The following PGPEP1L variants were observed in gnomAD, a reference collection of about 807,000 sequenced individuals.
PGPEP1L encodes pyroglutamyl-peptidase I like, also known as pyroglutamyl-peptidase 1-like protein.
In PGPEP1L, 7 loss-of-function variants were observed where a neutral mutation model predicts 6.0. The ratio of observed to expected loss-of-function variants is 1.17; its 90% confidence interval spans 0.66 to 2.19. The LOEUF (loss-of-function observed/expected upper bound fraction) is 2.19, where lower values mean the gene tolerates loss of function less well. Ranked by LOEUF, PGPEP1L falls within the 30% of genes most tolerant of loss-of-function variation. PGPEP1L has a pLI of 0.00. For synonymous variants in PGPEP1L, 103 were observed against 83.9 expected, an observed-to-expected ratio of 1.23 and a Z score of -1.24; for missense variants, 209 against 192.5, an observed-to-expected ratio of 1.09 and a Z score of -0.51.
intron 2 of PGPEP1L, among the ~76,000 whole-genome samples, chr15:98,986,686 C>A (rs182824601): frequency 6.6e-6 from 1 of 152,292 alleles, no homozygotes; most frequent in Admixed American, 6.5e-5. Flanking sequence ...GTGTGGCTGG[C>A]ATCTGAAGTG....
chr15:98,988,028 G>A (rs927743631), intron 2 of PGPEP1L, among the ~76,000 whole-genome samples: 1 of 152,332 alleles, frequency 6.6e-6, no homozygotes, highest in Admixed American at 6.5e-5. Flanking sequence ...AGGCCACCAG[G>A]GCCCTGGGTT....
chr15:98,968,548 A>G lies in PGPEP1L; in HGVS notation c.359T>C (p.Val120Ala). The change falls in exon 5 of 5, where the codon GTG (valine) becomes GCG (alanine). Residue 120 changes from valine (V) to alanine (A), a missense_variant. Physicochemically the swap from Val to Ala is moderately conservative, Grantham distance 64. Transcript: ENST00000535714. Reference protein sequence around the residue: ...RVIIQEMLEEVGKPKHRAQFE... With the variant: ...RVIIQEMLEEAGKPKHRAQFE... ...CTGGGCTCTGTGCTTGGGCTTTCCC[A>G]CCTCTTCCAGCATTTCCTGGATGAT... 1 of 1,609,752 alleles carries G rather than the reference A, an allele frequency of 6.2e-7. No homozygotes were observed. The highest frequency in any genetic ancestry group is 8.5e-7 in the Non-Finnish European group (1 of 1,178,412).
intron 2 of PGPEP1L, among the ~76,000 whole-genome samples, chr15:98,997,104 G>A (rs79533487): frequency 0.014 from 2,106 of 152,146 alleles, 61 homozygotes; most frequent in African/African-American, 0.048. Flanking sequence ...CAGGATCATC[G>A]AGGATTTGGC....
At chr15:98,978,839 C>T (rs1262914055) in intron 2 of PGPEP1L, among the ~76,000 whole-genome samples, 2 of 150,198 alleles carry the variant, frequency 1.3e-5, no homozygotes, top group Non-Finnish European at 3.0e-5. Context: ...AAGCAATTCT[C>T]CTGCCTCAGC....
rs369749842 is a variant in PGPEP1L at position 98,982,700 on chromosome 15, C to CTT, written c.-141-11544_-141-11543dup. On this transcript the variant is annotated intron_variant, in intron 2 of 4. Transcript: ENST00000535714. ...TCACTCTGGTTATTTTTATCTGAGG[C>CTT]TTTTTTTTTTTTTTTTTTTTTTTTT... 3.0e-3 allele frequency among the ~76,000 whole-genome samples: 157 copies of CTT among 52,500 alleles called. 21 individuals are homozygous for CTT. Among genetic ancestry groups the CTT allele is most frequent in the Non-Finnish European group, 4.3e-3 (102 of 23,882 alleles). The allele number at this position is 52,500 out of a possible 152,430, so 34.4% of individuals were successfully genotyped here.
intron 2 of PGPEP1L, among the ~76,000 whole-genome samples, chr15:99,000,220 G>T (rs970832562): frequency 6.6e-6 from 1 of 152,232 alleles, no homozygotes; most frequent in African/African-American, 2.4e-5. Flanking sequence ...TCAACTTCTC[G>T]CTGGGCCTTA....
intron 2 of PGPEP1L, among the ~76,000 whole-genome samples, chr15:98,974,610 T>C (rs921446406): frequency 4.6e-5 from 7 of 151,804 alleles, no homozygotes; most frequent in African/African-American, 1.7e-4. Context: ...AAAAAATTAA[T>C]GAGGGGCCGG....
chr15:98,996,982 C>T (rs1314080620), intron 2 of PGPEP1L, among the ~76,000 whole-genome samples: 3 of 152,212 alleles, frequency 2.0e-5, no homozygotes, highest in African/African-American at 7.2e-5. Context: ...AATTGAGACA[C>T]AGAAAAGCTG....
intron 2 of PGPEP1L, chr15:99,001,142 GAAAT>G (rs1555472954): frequency 2.2e-6 from 1 of 446,644 alleles, no homozygotes; most frequent in Non-Finnish European, 4.5e-6. Flanking sequence ...CATCAGTCAA[GAAAT>G]AAACTCTGGA....
Position 99,000,220 on chromosome 15 carries a change from G to A in PGPEP1L, c.-142+5209C>T, listed in dbSNP as rs970832562. The stretch of plus-strand genomic sequence containing the variant: ...CAGTAGCTGCTGTGCTCAACTTCTC[G>A]CTGGGCCTTAGCTGCCTTCCTGCCG... On this transcript the variant is annotated intron_variant, in intron 2 of 4. Coordinates refer to ENST00000535714, the MANE Select transcript of PGPEP1L (RefSeq NM_001167902.2). Among the ~76,000 whole-genome samples, 5 of 152,232 alleles carry A rather than the reference G, an allele frequency of 3.3e-5. No individual in the cohort carries two copies. The East Asian group carries it at 7.7e-4, about 23-fold the overall frequency.
At chr15:98,989,912 T>C (rs918292002) in intron 2 of PGPEP1L, among the ~76,000 whole-genome samples, 10 of 152,156 alleles carry the variant, frequency 6.6e-5, no homozygotes, top group African/African-American at 2.4e-4. Flanking sequence ...AATAAAATCA[T>C]TTACAGACAA....
chr15:98,988,351 TCA>T (rs1384357749), intron 2 of PGPEP1L, among the ~76,000 whole-genome samples: 2 of 152,084 alleles, frequency 1.3e-5, no homozygotes, highest in Non-Finnish European at 2.9e-5. Context: ...AGTTTTACCC[TCA>T]CAGTGTAAAC....
At chr15:98,985,714 G>A (rs1369811271) in intron 2 of PGPEP1L, among the ~76,000 whole-genome samples, 1 of 152,206 alleles carries the variant, frequency 6.6e-6, no homozygotes. Flanking sequence ...TGTGGTATGT[G>A]CCCTCAGGCC....
chr15:98,978,733 T>A (rs796849809), intron 2 of PGPEP1L, among the ~76,000 whole-genome samples: 3,315 of 66,004 alleles, frequency 0.05, 44 homozygotes, highest in Non-Finnish European at 0.085. Context: ...TATATTTTTT[T>A]TTTTTTTTTT....
At chr15:99,001,125 A>C (rs2017961777) in intron 2 of PGPEP1L, 1 of 446,200 alleles carries the variant, frequency 2.2e-6, no homozygotes, top group Admixed American at 2.4e-5. Flanking sequence ...CTCTGAACAC[A>C]TCCAAACATC....
intron 2 of PGPEP1L, among the ~76,000 whole-genome samples, chr15:98,975,073 C>A (rs2096080817): frequency 1.3e-5 from 2 of 150,624 alleles, no homozygotes; most frequent in Admixed American, 6.7e-5. Context: ...AACCTAAGTG[C>A]CCATGAATGA....
chr15:98,995,108 C>T (rs2017869609), intron 2 of PGPEP1L, among the ~76,000 whole-genome samples: 4 of 152,140 alleles, frequency 2.6e-5, no homozygotes, highest in Admixed American at 6.5e-5. Flanking sequence ...TATTCTCAGT[C>T]ACTATCTCTT....
At chr15:98,978,779 G>C (rs59335599) in intron 2 of PGPEP1L, among the ~76,000 whole-genome samples, 21,387 of 142,452 alleles carry the variant, frequency 0.15, 2,428 homozygotes, top group East Asian at 0.39. Context: ...CACCAGGCTG[G>C]AGTGCGGTGG....
intron 2 of PGPEP1L, among the ~76,000 whole-genome samples, chr15:98,982,025 G>C (rs891612209): frequency 6.6e-6 from 1 of 152,184 alleles, no homozygotes; most frequent in Non-Finnish European, 1.5e-5. Flanking sequence ...TCCTGTCAAC[G>C]TGGGAATGGA....
Sources: allele counts gnomAD v4.1 joint callset (sites outside exome capture counted in the v4.1 genomes callset), GRCh38; gene constraint gnomAD v4.1.1; transcripts MANE v1.5; gene names NCBI Gene and HGNC (gene_info 2026-07-23, HGNC 2026-07-21).